CTNND2: variants seen among roughly 807,000 people sequenced by gnomAD.
CTNND2 encodes the protein catenin delta 2.
A neutral mutation model predicts 144.4 loss-of-function variants in CTNND2; 22 were observed. The observed-to-expected ratio is 0.15, with a 90% CI of 0.11 to 0.22. The LOEUF is 0.22. Among genes scored for constraint, CTNND2 ranks in the 10% least tolerant of loss-of-function variants. The probability of loss-of-function intolerance (pLI) is 1.00; values close to 1 mark genes in which losing one functional copy is unlikely to be tolerated. For missense variants in CTNND2, 1,353 were observed against 1,618.8 expected, an observed-to-expected ratio of 0.84 and a Z score of 2.82; for synonymous variants, 751 against 695.6, an observed-to-expected ratio of 1.08 and a Z score of -1.25.
At chr5:11,431,394 A>C (rs1433155900) in intron 3 of CTNND2, among the ~76,000 whole-genome samples, 2 of 152,196 alleles carry the variant, frequency 1.3e-5, no homozygotes, top group East Asian at 3.9e-4. Context: ...TCATCCATTA[A>C]AAAGGGATGT....
intron 2 of CTNND2, among the ~76,000 whole-genome samples, chr5:11,591,475 T>A (rs1001453819): frequency 6.6e-6 from 1 of 152,188 alleles, no homozygotes; most frequent in Admixed American, 6.5e-5. Context: ...TATTTCTTCA[T>A]ACCAGTCCCG....
chr5:11,250,629 G>C (rs1049189718), intron 9 of CTNND2, among the ~76,000 whole-genome samples: 1 of 150,356 alleles, frequency 6.7e-6, no homozygotes. Context: ...TGATCCTCCT[G>C]TCTCAGCCTC....
At chr5:11,117,162 C>A (rs1165372289) in intron 13 of CTNND2, among the ~76,000 whole-genome samples, 1 of 151,702 alleles carries the variant, frequency 6.6e-6, no homozygotes, top group African/African-American at 2.4e-5. Context: ...AGCTTGTGAG[C>A]AACGTGGTAT....
At chr5:11,694,169 C>T (rs1785035984) in intron 2 of CTNND2, among the ~76,000 whole-genome samples, 1 of 152,130 alleles carries the variant, frequency 6.6e-6, no homozygotes, top group Non-Finnish European at 1.5e-5. Context: ...GGCGCGGTGG[C>T]TCATGCCTGT....
chr5:11,614,646 G>A (rs2126398138), intron 2 of CTNND2, among the ~76,000 whole-genome samples: 1 of 152,318 alleles, frequency 6.6e-6, no homozygotes, highest in East Asian at 1.9e-4. Context: ...TGCTCATTGA[G>A]GAAAGAATGG....
At chr5:11,579,224 C>T (rs910868645) in intron 2 of CTNND2, among the ~76,000 whole-genome samples, 1 of 151,254 alleles carries the variant, frequency 6.6e-6, no homozygotes, top group African/African-American at 2.4e-5. Flanking sequence ...AGGATAGATC[C>T]ATATTTGCAT....
intron 9 of CTNND2, among the ~76,000 whole-genome samples, chr5:11,250,209 T>C (rs1743416219): frequency 1.3e-5 from 2 of 152,126 alleles, no homozygotes; most frequent in African/African-American, 4.8e-5. Context: ...GGCCCAACTA[T>C]AGGTCATTGT....
chr5:11,886,996 T>TG (rs1736587101), intron 1 of CTNND2, among the ~76,000 whole-genome samples: 1 of 143,800 alleles, frequency 7.0e-6, no homozygotes, highest in Non-Finnish European at 1.5e-5. Flanking sequence ...TTTTTTTTTT[T>TG]TTTTTGAGAC....
intron 20 of CTNND2, among the ~76,000 whole-genome samples, chr5:10,982,467 C>A (rs550339928): frequency 6.6e-6 from 1 of 152,346 alleles, no homozygotes; most frequent in South Asian, 2.1e-4. Context: ...TAGTTGCCAG[C>A]AGCTTCTGAA....
At chr5:11,566,577 C>T (rs1383890539) in intron 2 of CTNND2, among the ~76,000 whole-genome samples, 1 of 152,208 alleles carries the variant, frequency 6.6e-6, no homozygotes, top group Non-Finnish European at 1.5e-5. Context: ...TACTTGAAGA[C>T]CATACAGAAC....
chr5:11,155,238 A>T (rs921482620), intron 12 of CTNND2, among the ~76,000 whole-genome samples: 2 of 152,214 alleles, frequency 1.3e-5, no homozygotes, highest in African/African-American at 4.8e-5. Flanking sequence ...GATGGATTTG[A>T]TCACACGATG....
At chr5:11,516,745 C>A (rs1367342207) in intron 3 of CTNND2, among the ~76,000 whole-genome samples, 2 of 152,154 alleles carry the variant, frequency 1.3e-5, no homozygotes, top group Non-Finnish European at 2.9e-5. Flanking sequence ...GCAATACTTG[C>A]CCAATTAATC....
chr5:11,465,016 G>T (rs560077058), intron 3 of CTNND2, among the ~76,000 whole-genome samples: 1 of 152,196 alleles, frequency 6.6e-6, no homozygotes, highest in South Asian at 2.1e-4. Context: ...CTAGCTTAAA[G>T]GATATTTCTC....
chr5:11,010,991 C>G (rs111368886), intron 18 of CTNND2, among the ~76,000 whole-genome samples: 1,673 of 152,332 alleles, frequency 0.011, 40 homozygotes, highest in African/African-American at 0.039. Flanking sequence ...CAAGCACAGG[C>G]AGTCTGGCAT....
At chr5:11,568,324 C>T (rs559409225) in intron 2 of CTNND2, among the ~76,000 whole-genome samples, 5 of 152,282 alleles carry the variant, frequency 3.3e-5, no homozygotes, top group Middle Eastern at 3.4e-3. Flanking sequence ...TACTGAGACC[C>T]TGCTAGGCTT....
In CTNND2 at chr5:11,608,149, A is replaced by T. The variant is rs1561615271; in HGVS notation, c.175-43093T>A. ...ACCCACAGCAGTGGAAGCTATGAAGAGTCCTGTTAGATTCTGAAACACTAT... is the reference window on the plus strand; with the variant it reads ...ACCCACAGCAGTGGAAGCTATGAAGTGTCCTGTTAGATTCTGAAACACTAT... On this transcript the variant is annotated intron_variant, in intron 2 of 21. Transcript: ENST00000304623. Among the ~76,000 whole-genome samples the T allele has an allele frequency of 2.0e-5, 3 of 152,202 alleles. No homozygotes were observed. The South Asian group carries it at 6.2e-4, about 32-fold the overall frequency.
At chr5:11,252,267 C>T (rs1234568346) in intron 9 of CTNND2, among the ~76,000 whole-genome samples, 1 of 152,102 alleles carries the variant, frequency 6.6e-6, no homozygotes, top group Non-Finnish European at 1.5e-5. Context: ...GACTTGACAG[C>T]CAGAGAAAGC....
intron 9 of CTNND2, among the ~76,000 whole-genome samples, chr5:11,345,218 G>A (rs1245999979): frequency 6.6e-6 from 1 of 152,178 alleles, no homozygotes; most frequent in African/African-American, 2.4e-5. Context: ...TCAGGACCAA[G>A]ACTATAAAGA....
chr5:11,284,366 C>T (rs950339654), intron 9 of CTNND2, among the ~76,000 whole-genome samples: 6 of 152,118 alleles, frequency 3.9e-5, no homozygotes, highest in Non-Finnish European at 8.8e-5. Flanking sequence ...AACCTATCAC[C>T]TAGGTATTAG....
Sources: gnomAD v4.1 joint callset for allele counts (sites outside exome capture counted in the v4.1 genomes callset) on GRCh38, gnomAD v4.1.1 for gene constraint, MANE v1.5 for transcripts, NCBI Gene and HGNC (gene_info 2026-07-23, HGNC 2026-07-21) for gene names.